Variants in NUP153 observed in about 807,000 individuals in gnomAD.
NUP153 encodes the protein nuclear pore complex protein Nup153.
A neutral mutation model predicts 134.6 loss-of-function variants in NUP153; 27 were observed. That is an observed-to-expected ratio of 0.20 (90% CI 0.15 to 0.28). NUP153 has a LOEUF of 0.28. Ranked by LOEUF, NUP153 falls within the 10% of genes least tolerant of loss-of-function variation. The pLI is 1.00. For synonymous variants in NUP153, 640 were observed against 623.5 expected (o/e 1.03, Z -0.40); for missense variants, 1,821 against 1,731.3 (o/e 1.05, Z -0.92).
intron 2 of NUP153, among the ~76,000 whole-genome samples, chr6:17,682,968 G>C (rs1768697104): frequency 6.7e-6 from 1 of 149,188 alleles, no homozygotes. Flanking sequence ...TCCACAAGAA[G>C]CAACTCCTTA....
intron 8 of NUP153, among the ~76,000 whole-genome samples, chr6:17,667,908 CA>C (rs1001556476): frequency 3.9e-5 from 6 of 152,022 alleles, no homozygotes; most frequent in African/African-American, 1.5e-4. Context: ...ATATAATGAT[CA>C]ACTTTATCAG....
intron 16 of NUP153, among the ~76,000 whole-genome samples, chr6:17,633,153 A>C (rs1177000429): frequency 2.0e-5 from 3 of 152,206 alleles, no homozygotes; most frequent in Non-Finnish European, 4.4e-5. Flanking sequence ...TTTAAGAAAA[A>C]AAATCATGCT....
chr6:17,680,571 T>A lies in NUP153; in HGVS notation c.335-4801A>T, dbSNP rs1204209582. On this transcript the variant is annotated intron_variant, in intron 2 of 21. Coordinates refer to ENST00000262077, the MANE Select transcript of NUP153 (RefSeq NM_005124.4). This position sits in a 1 kb window ranked among gnomAD's most constrained non-coding sequence, Gnocchi z 4.5. ...GATACAACACTAAAAGCACAGGCCA[T>A]GGAAGCAAAAACAGACAAACAGGAC... 6.6e-6 allele frequency among the ~76,000 whole-genome samples: 1 copy of A among 152,172 alleles called. No homozygotes were observed. The highest frequency in any genetic ancestry group is 1.5e-5 in the Non-Finnish European group (1 of 68,032).
Position 17,632,863 on chromosome 6 carries a change from ACGGGGAGTGGGGGGAGATTTCATG to A in NUP153, c.2465-43_2465-20del. Reference sequence around the variant, plus strand: ...GAACTTCCTAAAAAAAAAAAAAAAAACGGGGAGTGGGGGGAGATTTCATGAAAATTTTAATTTACAGTATGTCAG... The same window carrying A: ...GAACTTCCTAAAAAAAAAAAAAAAAAAAAATTTTAATTTACAGTATGTCAG... On this transcript the variant is annotated intron_variant, in intron 16 of 21. Transcript: ENST00000262077. 2 of 1,499,154 alleles carry A rather than the reference ACGGGGAGTGGGGGGAGATTTCATG, an allele frequency of 1.3e-6. No individual in the cohort carries two copies. The highest frequency in any genetic ancestry group is 1.8e-6 in the Non-Finnish European group (2 of 1,119,752). The allele number at this position is 1,499,154 out of a possible 1,614,324, so 92.9% of individuals were successfully genotyped here.
In NUP153 at chr6:17,675,155, GAAAA is replaced by G. The variant is rs11418400; in HGVS notation, c.723+70_723+73del. 1.5e-6 allele frequency: 2 copies of G among 1,291,894 alleles called. No homozygotes were observed. The highest frequency in any genetic ancestry group is 1.1e-6 in the Non-Finnish European group (1 of 952,030). 80.0% of individuals were successfully genotyped at this position (1,291,894 alleles called of 1,614,324 possible). Reference sequence around the variant, plus strand: ...GCAACAGCAAAAGACTCTTGTCTCAGAAAAAAAAAAAAAAATTATAAGCAATAAA... The same window carrying G: ...GCAACAGCAAAAGACTCTTGTCTCAGAAAAAAAAAAATTATAAGCAATAAA... On this transcript the variant is annotated intron_variant, in intron 4 of 21. Coordinates refer to ENST00000262077, the MANE Select transcript of NUP153 (RefSeq NM_005124.4). This position sits in a 1 kb window ranked among gnomAD's most constrained non-coding sequence, Gnocchi z 4.4.
In NUP153 at chr6:17,646,056, T is replaced by A; in HGVS notation, c.1720+11A>T. 1 of 1,361,270 alleles carries A rather than the reference T, an allele frequency of 7.3e-7. No individual in the cohort carries two copies. Among genetic ancestry groups the A allele is most frequent in the Non-Finnish European group, 1.0e-6 (1 of 964,604 alleles). The allele number at this position is 1,361,270 out of a possible 1,614,324, so 84.3% of individuals were successfully genotyped here. ...TGTTTGTATGTTAAAATGTAAGAAATTTTTACTTACCTGAACTACTTATAA... is the reference window on the plus strand; with the variant it reads ...TGTTTGTATGTTAAAATGTAAGAAAATTTTACTTACCTGAACTACTTATAA... On this transcript the variant is annotated intron_variant, in intron 14 of 21. Coordinates refer to ENST00000262077, the MANE Select transcript of NUP153 (RefSeq NM_005124.4).
chr6:17,647,051 C>T (rs563637110), intron 13 of NUP153, among the ~76,000 whole-genome samples: 1 of 152,106 alleles, frequency 6.6e-6, no homozygotes, highest in Admixed American at 6.5e-5. Flanking sequence ...GCCACCGTGC[C>T]CGGCCTCAAA....
chr6:17,685,548 C>CAA (rs71536744), intron 2 of NUP153, among the ~76,000 whole-genome samples: 286 of 98,632 alleles, frequency 2.9e-3, no homozygotes, highest in African/African-American at 9.0e-3. Context: ...GACTCCGTCT[C>CAA]AAAAAAAAAA....
chr6:17,624,427 T>A (rs1443241203), intron 20 of NUP153, 134 bp downstream of exon 20: 1 of 799,280 alleles, frequency 1.3e-6, no homozygotes, highest in Admixed American at 2.7e-5. Flanking sequence ...AATCCAACCA[T>A]ATTACCTCTC....
Position 17,673,911 on chromosome 6 carries a change from T to C in NUP153, c.852+994A>G, listed in dbSNP as rs890384015. 5.9e-5 allele frequency among the ~76,000 whole-genome samples: 9 copies of C among 152,230 alleles called. No homozygotes were observed. The East Asian group carries it at 1.3e-3, about 23-fold the overall frequency. Reference sequence around the variant, plus strand: ...CTCACAAAAAACATTCATAGCAGCTTCATTCATAATTGCCAGAAACTGGAA... The same window carrying C: ...CTCACAAAAAACATTCATAGCAGCTCCATTCATAATTGCCAGAAACTGGAA... On this transcript the variant is annotated intron_variant, in intron 5 of 21. Transcript: ENST00000262077.
Position 17,675,774 on chromosome 6 carries a change from A to G in NUP153, c.335-4T>C, listed in dbSNP as rs780273479. On this transcript the variant is annotated splice_polypyrimidine_tract_variant and splice_region_variant and intron_variant, in intron 2 of 21. Transcript: ENST00000262077. This position sits in a 1 kb window ranked among gnomAD's most constrained non-coding sequence, Gnocchi z 4.4. Reference sequence around the variant, plus strand: ...GCAGTACTAGTTGTTGAAGGTTCTTAAAAGAAAAGCATTAATATTATGAAT... The same window carrying G: ...GCAGTACTAGTTGTTGAAGGTTCTTGAAAGAAAAGCATTAATATTATGAAT... 3.7e-6 allele frequency: 6 copies of G among 1,612,242 alleles called. No individual in the cohort carries two copies. The African/African-American group carries it at 8.0e-5, about 22-fold the overall frequency.
At chr6:17,696,367 G>A (rs916196740) in intron 1 of NUP153, among the ~76,000 whole-genome samples, 1 of 152,198 alleles carries the variant, frequency 6.6e-6, no homozygotes, top group Non-Finnish European at 1.5e-5. Flanking sequence ...TATGTTTTGA[G>A]GAGTTCTTGA....
rs537992889 is a variant in NUP153, at chr6:17,617,694, A to C, written c.4175-999T>G. ...CCTATCTCTATAAAAAATTTTTCAA[A>C]ATTAGCCAGGCGTAGTGGCGTGCAC... On this transcript the variant is annotated intron_variant, in intron 20 of 21. Coordinates refer to ENST00000262077, the MANE Select transcript of NUP153 (RefSeq NM_005124.4). Among the ~76,000 whole-genome samples the C allele has an allele frequency of 2.0e-5, 3 of 152,004 alleles. No homozygotes were observed. In the South Asian group the frequency reaches 6.3e-4, roughly 32 times the overall value.
intron 16 of NUP153, among the ~76,000 whole-genome samples, chr6:17,635,896 T>A (rs1391881615): frequency 6.6e-6 from 1 of 152,268 alleles, no homozygotes; most frequent in East Asian, 1.9e-4. Context: ...GCTTCCTTTG[T>A]TCATGTGTAA....
chr6:17,637,586 T>A lies in NUP153; in HGVS notation c.2031A>T (p.Lys677Asn). The A allele has an allele frequency of 1.2e-6, 2 of 1,614,184 alleles. No individual in the cohort carries two copies. The highest frequency in any genetic ancestry group is 1.7e-6 in the Non-Finnish European group (2 of 1,180,042). The change falls in exon 16 of 22, where the codon AAA becomes AAT. Residue 677 changes from lysine to asparagine, a missense_variant. Coordinates refer to ENST00000262077, the MANE Select transcript of NUP153 (RefSeq NM_005124.4). The stretch of plus-strand genomic sequence containing the variant: ...ATTTTGCTGCTTGACAGGCTATGCA[T>A]TTGTTGTCTGTAACTTTGTTCTGGA... ...CLLQNKVTDN[K>N]CIACQAAKLS...
chr6:17,670,034 T>C (rs1486946214), intron 5 of NUP153, among the ~76,000 whole-genome samples: 3 of 146,882 alleles, frequency 2.0e-5, no homozygotes, highest in African/African-American at 2.6e-5. Flanking sequence ...AGGCGGAGGT[T>C]GTGGTGAGCC....
In NUP153 at chr6:17,638,099, A is replaced by G. The variant is rs1291797412; in HGVS notation, c.1847-329T>C. Among the ~76,000 whole-genome samples the G allele has an allele frequency of 2.0e-5, 3 of 152,198 alleles. No individual in the cohort carries two copies. The highest frequency in any genetic ancestry group is 4.4e-5 in the Non-Finnish European group (3 of 68,044). On this transcript the variant is annotated intron_variant, in intron 15 of 21. Coordinates refer to ENST00000262077, the MANE Select transcript of NUP153 (RefSeq NM_005124.4). This position sits in a 1 kb window ranked among gnomAD's most constrained non-coding sequence, Gnocchi z 4.0. Reference sequence around the variant, plus strand: ...ACATTTTGCTATATTCTGTCTCTCTACAAACACACAATACTCGCAGTCCTC... The same window carrying G: ...ACATTTTGCTATATTCTGTCTCTCTGCAAACACACAATACTCGCAGTCCTC...
rs1437849801 is a variant in NUP153, at chr6:17,675,093, G to A, written c.724-60C>T. The A allele has an allele frequency of 1.2e-5, 19 of 1,593,786 alleles. No individual in the cohort carries two copies. The highest frequency in any genetic ancestry group is 8.5e-5 in the Admixed American group (5 of 58,504). On this transcript the variant is annotated intron_variant, in intron 4 of 21. Transcript: ENST00000262077. The surrounding 1 kb of genome is among the most constrained non-coding windows in gnomAD (Gnocchi z 4.4). ...ATGAACCCAGGAGGTGGAGGTTGCA[G>A]TGAGTTAAGATCATGCTGCTACACA... is the stretch of plus-strand genomic sequence containing the variant.
chr6:17,619,659 TAAA>T (rs2113759934), intron 20 of NUP153: 1 of 152,060 alleles, frequency 6.6e-6, no homozygotes, highest in East Asian at 1.9e-4. Flanking sequence ...TGAAAGAAAT[TAAA>T]GAGAACACAA....
Sources: gnomAD v4.1 joint callset for allele counts (sites outside exome capture counted in the v4.1 genomes callset) on GRCh38, gnomAD v4.1.1 for gene constraint, Gnocchi (gnomAD v3.1) non-coding constraint, MANE v1.5 for transcripts, NCBI Gene and HGNC (gene_info 2026-07-23, HGNC 2026-07-21) for gene names.